FZD1: variants seen among roughly 807,000 people sequenced by gnomAD.
FZD1 encodes the protein frizzled class receptor 1, also known as frizzled-1.
FZD1 carries 22 observed loss-of-function variants against 48.0 expected under a neutral mutation model. That is an observed-to-expected ratio of 0.46 (90% confidence interval 0.33 to 0.65). FZD1 has a LOEUF of 0.65. Ranked by LOEUF, FZD1 falls within the 30% of genes least tolerant of loss-of-function variation. The pLI is 0.02. For synonymous variants in FZD1, 486 were observed against 409.6 expected (o/e 1.19, Z -2.25); for missense variants, 843 against 898.1 (o/e 0.94, Z 0.78).
chr7:91,264,534 G>A lies in FZD1; in HGVS notation c.-347G>A. Reference sequence around the variant, plus strand: ...GAAGGAGGCGGAGGCGCAGGGGGGAGCCGAGCCCGCTGGGCTGCGGAGAGT... The same window carrying A: ...GAAGGAGGCGGAGGCGCAGGGGGGAACCGAGCCCGCTGGGCTGCGGAGAGT... On this transcript the variant is annotated 5_prime_UTR_variant, in exon 1 of 1. Coordinates refer to ENST00000287934, the MANE Select transcript of FZD1 (RefSeq NM_003505.2). 3.0e-6 allele frequency: 1 copy of A among 337,404 alleles called. No individual in the cohort carries two copies. Among genetic ancestry groups the A allele is most frequent in the Non-Finnish European group, 5.4e-6 (1 of 185,956 alleles). 20.9% of individuals were successfully genotyped at this position (337,404 alleles called of 1,614,324 possible).
rs1289605335 is a variant in FZD1, at chr7:91,266,959, A to G, written c.*135A>G. 7 of 639,952 alleles carry G rather than the reference A, an allele frequency of 1.1e-5. No individual in the cohort carries two copies. In the Admixed American group the frequency reaches 1.7e-4, roughly 16 times the overall value. 39.6% of individuals were successfully genotyped at this position (639,952 alleles called of 1,614,324 possible). A position where few individuals can be genotyped will look rare whatever the true frequency, so the allele number is the denominator to read the frequency against. ...CAACTCTCTTTCGCAGGCTCCTTTG[A>G]ACAACTCAGCTCCTGCAAAAGCTTC... On this transcript the variant is annotated 3_prime_UTR_variant, in exon 1 of 1. Coordinates refer to ENST00000287934, the MANE Select transcript of FZD1 (RefSeq NM_003505.2). This position sits in a 1 kb window ranked among gnomAD's most constrained non-coding sequence, Gnocchi z 6.8.
Position 91,265,105 on chromosome 7 carries a change from G to T in FZD1, c.225G>T (p.Ala75=). Residue 75 remains alanine (A), a synonymous_variant, in exon 1 of 1, where the codon GCG becomes GCT. Coordinates refer to ENST00000287934, the MANE Select transcript of FZD1 (RefSeq NM_003505.2). This position sits in a 1 kb window ranked among gnomAD's most constrained non-coding sequence, Gnocchi z 6.9. The stretch of plus-strand genomic sequence containing the variant: ...TGCTGGGGGTCCGGGCCCAGGCGGC[G>T]GGCCAGGGGCCAGGCCAGGGGCCCG... ...PLLLGVRAQA[A]GQGPGQGPGP... is the part of the protein sequence containing the mutation. 7.2e-7 allele frequency: 1 copy of T among 1,395,444 alleles called. No homozygotes were observed. Among genetic ancestry groups the T allele is most frequent in the Non-Finnish European group, 9.3e-7 (1 of 1,076,328 alleles). The allele number at this position is 1,395,444 out of a possible 1,614,324, so 86.4% of individuals were successfully genotyped here. A position where few individuals can be genotyped will look rare whatever the true frequency, so the allele number is the denominator to read the frequency against.
Position 91,268,974 on chromosome 7 carries a change from CAA to C in FZD1, c.*2152_*2153del, listed in dbSNP as rs77574763. ...GAAGTTTGCAAATTATTTCTTTACT[CAA>C]AGAGGATTAAAAGAGAACTCTAATT... On this transcript the variant is annotated 3_prime_UTR_variant, in exon 1 of 1. Transcript: ENST00000287934. 0.15 allele frequency: 24,479 copies of C among 166,408 alleles called. 2,011 individuals carry two copies. Among genetic ancestry groups the C allele is most frequent in the East Asian group, 0.2 (1,062 of 5,184 alleles). The allele number at this position is 166,408 out of a possible 1,614,324, so 10.3% of individuals were successfully genotyped here.
rs749554036 is a variant in FZD1 at position 91,264,973 on chromosome 7, G to C, written c.93G>C (p.Ala31=). The C allele has an allele frequency of 3.6e-5, 49 of 1,375,810 alleles. No homozygotes were observed. In the African/African-American group the frequency reaches 6.8e-4, roughly 19 times the overall value. 85.2% of individuals were successfully genotyped at this position (1,375,810 alleles called of 1,614,324 possible). Residue 31 remains alanine, a synonymous_variant, in exon 1 of 1, where the codon GCG becomes GCC. Coordinates refer to ENST00000287934, the MANE Select transcript of FZD1 (RefSeq NM_003505.2). The part of the protein sequence containing the change: ...LCAGALSARL[A]EEGSGDAGGR... ...CCGGGGCGCTCTCGGCCCGGCTGGC[G>C]GAGGAGGGCAGCGGGGACGCCGGTG...
chr7:91,267,575 A>AT lies in FZD1; in HGVS notation c.*756dup, dbSNP rs1490649058. On this transcript the variant is annotated 3_prime_UTR_variant, in exon 1 of 1. Coordinates refer to ENST00000287934, the MANE Select transcript of FZD1 (RefSeq NM_003505.2). ...CGTCCCTTCGACTTCCTGAAGCTGG[A>AT]TTTTTAACTGTCCAGAACTTTCCTC... 6.0e-6 allele frequency: 1 copy of AT among 166,962 alleles called. No homozygotes were observed. Among genetic ancestry groups the AT allele is most frequent in the Non-Finnish European group, 1.5e-5 (1 of 68,138 alleles). The allele number at this position is 166,962 out of a possible 1,614,324, so 10.3% of individuals were successfully genotyped here.
At position 91,265,927 on chromosome 7, in the gene FZD1, C is replaced by G; in HGVS notation, c.1047C>G (p.Ser349Arg). 6.2e-7 allele frequency: 1 copy of G among 1,614,194 alleles called. No individual in the cohort carries two copies. The highest frequency in any genetic ancestry group is 8.5e-7 in the Non-Finnish European group (1 of 1,180,030). The change falls in exon 1 of 1, where the codon AGC becomes AGG. Residue 349 changes from serine to arginine, a missense_variant. Physicochemically the swap from Ser to Arg is moderately radical, Grantham distance 110. Around this residue, in one of 2 missense-constraint regions of FZD1, gnomAD observed 353 missense variants for 431.6 expected, o/e 0.82. Coordinates refer to ENST00000287934, the MANE Select transcript of FZD1 (RefSeq NM_003505.2). The surrounding 1 kb of genome is among the most constrained non-coding windows in gnomAD (Gnocchi z 6.9). ...LTYLVDMRRFSYPERPIIFLS... is the reference protein window; with the variant it reads ...LTYLVDMRRFRYPERPIIFLS... ...ACCTGGTGGACATGCGGCGCTTCAGCTACCCGGAGCGGCCCATCATCTTCT... is the reference window on the plus strand; with the variant it reads ...ACCTGGTGGACATGCGGCGCTTCAGGTACCCGGAGCGGCCCATCATCTTCT...
rs866946109 is a variant in FZD1, at chr7:91,268,250, A to C, written c.*1426A>C. 1 of 166,994 alleles carries C rather than the reference A, an allele frequency of 6.0e-6. No individual in the cohort carries two copies. The highest frequency in any genetic ancestry group is 2.1e-4 in the South Asian group (1 of 4,832). 10.3% of individuals were successfully genotyped at this position (166,994 alleles called of 1,614,324 possible). A position where few individuals can be genotyped will look rare whatever the true frequency, so the allele number is the denominator to read the frequency against. ...GAGGGGGGAACAATTCACACCACCA[A>C]TAATAACCTGGTAAGATTTCAGGAG... On this transcript the variant is annotated 3_prime_UTR_variant, in exon 1 of 1. Coordinates refer to ENST00000287934, the MANE Select transcript of FZD1 (RefSeq NM_003505.2).
At position 91,266,503 on chromosome 7, in the gene FZD1, C is replaced by T. The variant is rs774481886; in HGVS notation, c.1623C>T (p.Ser541=). 10 of 1,613,914 alleles carry T rather than the reference C, an allele frequency of 6.2e-6. No individual in the cohort carries two copies. The highest frequency in any genetic ancestry group is 6.8e-6 in the Non-Finnish European group (8 of 1,180,032). ...EKLMVRIGVF[S]VLYTVPATIV... is the part of the protein sequence containing the mutation. ...TCATGGTGCGCATTGGCGTCTTCAGCGTGCTGTACACTGTGCCAGCCACCA... is the reference window on the plus strand; with the variant it reads ...TCATGGTGCGCATTGGCGTCTTCAGTGTGCTGTACACTGTGCCAGCCACCA... Residue 541 remains serine, a synonymous_variant, in exon 1 of 1, where the codon AGC becomes AGT. Transcript: ENST00000287934. This position sits in a 1 kb window ranked among gnomAD's most constrained non-coding sequence, Gnocchi z 6.8.
In FZD1 at chr7:91,265,040, C is replaced by A; in HGVS notation, c.160C>A (p.Gln54Lys). 2.1e-6 allele frequency: 3 copies of A among 1,401,886 alleles called. No homozygotes were observed. Among genetic ancestry groups the A allele is most frequent in the Non-Finnish European group, 1.9e-6 (2 of 1,078,382 alleles). The allele number at this position is 1,401,886 out of a possible 1,614,324, so 86.8% of individuals were successfully genotyped here. A position where few individuals can be genotyped will look rare whatever the true frequency, so the allele number is the denominator to read the frequency against. The change falls in exon 1 of 1, where the codon CAG becomes AAG. Residue 54 changes from glutamine to lysine, a missense_variant. This residue lies in a region of FZD1 where 490 missense variants were observed against 466.5 expected (regional missense o/e 1.05). Transcript: ENST00000287934. This position sits in a 1 kb window ranked among gnomAD's most constrained non-coding sequence, Gnocchi z 6.9. ...AGTTGACCCCCGGCGATTGGCGCGC[C>A]AGCTGCTGCTGCTGCTTTGGCTGCT... ...PPVDPRRLAR[Q>K]LLLLLWLLEA...
rs753179852 is a variant in FZD1 at position 91,266,113 on chromosome 7, C to T, written c.1233C>T (p.Phe411=). ...CCATCCTCTTCATGATGCTCTACTT[C>T]TTCAGCATGGCCAGCTCCATCTGGT... ...GCTILFMMLY[F]FSMASSIWWV... The change falls in exon 1 of 1, where the codon TTC becomes TTT. Residue 411 remains phenylalanine, a synonymous_variant. Coordinates refer to ENST00000287934, the MANE Select transcript of FZD1 (RefSeq NM_003505.2). This position sits in a 1 kb window ranked among gnomAD's most constrained non-coding sequence, Gnocchi z 6.8. 3 of 1,614,246 alleles carry T rather than the reference C, an allele frequency of 1.9e-6. No individual in the cohort carries two copies. Among genetic ancestry groups the T allele is most frequent in the Middle Eastern group, 1.7e-4 (1 of 6,056 alleles).
At position 91,268,654 on chromosome 7, in the gene FZD1, G is replaced by GTT. The variant is rs1390604520; in HGVS notation, c.*1832_*1833dup. 4 of 166,096 alleles carry GTT rather than the reference G, an allele frequency of 2.4e-5. No homozygotes were observed. The highest frequency in any genetic ancestry group is 5.9e-5 in the Non-Finnish European group (4 of 68,060). 10.3% of individuals were successfully genotyped at this position (166,096 alleles called of 1,614,324 possible). A position where few individuals can be genotyped will look rare whatever the true frequency, so the allele number is the denominator to read the frequency against. On this transcript the variant is annotated 3_prime_UTR_variant, in exon 1 of 1. Transcript: ENST00000287934. ...CATCTATATTTATAGAGGAATAGAA[G>GTT]TTTATATATATATAATACCATATTT...
At position 91,266,654 on chromosome 7, in the gene FZD1, C is replaced by T; in HGVS notation, c.1774C>T (p.Pro592Ser). ...CCTCCAGGCGGGCGGAGGCGCCCCG[C>T]CGCACCCGCCCATGAGCCCGGACTT... The part of the protein sequence containing the change: ...PHLQAGGGAP[P>S]HPPMSPDFTV... Residue 592 changes from proline (P) to serine (S), a missense_variant, in exon 1 of 1, where the codon CCG becomes TCG. Around this residue, in one of 2 missense-constraint regions of FZD1, gnomAD observed 353 missense variants for 431.6 expected, o/e 0.82. Coordinates refer to ENST00000287934, the MANE Select transcript of FZD1 (RefSeq NM_003505.2). The surrounding 1 kb of genome is among the most constrained non-coding windows in gnomAD (Gnocchi z 6.8). 1.9e-6 allele frequency: 3 copies of T among 1,612,984 alleles called. No individual in the cohort carries two copies. Among genetic ancestry groups the T allele is most frequent in the Non-Finnish European group, 2.5e-6 (3 of 1,179,766 alleles).
chr7:91,264,548 G>A lies in FZD1; in HGVS notation c.-333G>A. On this transcript the variant is annotated 5_prime_UTR_variant, in exon 1 of 1. Coordinates refer to ENST00000287934, the MANE Select transcript of FZD1 (RefSeq NM_003505.2). ...CGCAGGGGGGAGCCGAGCCCGCTGG[G>A]CTGCGGAGAGTTGCGCTCTCTACGG... is the stretch of plus-strand genomic sequence containing the variant. 1 of 351,224 alleles carries A rather than the reference G, an allele frequency of 2.8e-6. No homozygotes were observed. Among genetic ancestry groups the A allele is most frequent in the Non-Finnish European group, 5.1e-6 (1 of 194,878 alleles). The allele number at this position is 351,224 out of a possible 1,614,324, so 21.8% of individuals were successfully genotyped here.
rs1361623397 is a variant in FZD1 at position 91,266,231 on chromosome 7, G to T, written c.1351G>T (p.Ala451Ser). 1 of 1,614,012 alleles carries T rather than the reference G, an allele frequency of 6.2e-7. No homozygotes were observed. Among genetic ancestry groups the T allele is most frequent in the African/African-American group, 1.3e-5 (1 of 74,938 alleles). The part of the protein sequence containing the change: ...EANSQYFHLA[A>S]WAVPAIKTIT... ...CAACTCACAGTATTTTCACCTGGCC[G>T]CCTGGGCTGTGCCGGCCATCAAGAC... The change falls in exon 1 of 1, where the codon GCC (alanine) becomes TCC (serine). Residue 451 changes from alanine to serine, a missense_variant. Coordinates refer to ENST00000287934, the MANE Select transcript of FZD1 (RefSeq NM_003505.2). This position sits in a 1 kb window ranked among gnomAD's most constrained non-coding sequence, Gnocchi z 6.8.
Position 91,266,954 on chromosome 7 carries a change from C to T in FZD1, c.*130C>T, listed in dbSNP as rs993500710. On this transcript the variant is annotated 3_prime_UTR_variant, in exon 1 of 1. Transcript: ENST00000287934. This position sits in a 1 kb window ranked among gnomAD's most constrained non-coding sequence, Gnocchi z 6.8. ...CTAGACAACTCTCTTTCGCAGGCTC[C>T]TTTGAACAACTCAGCTCCTGCAAAA... The T allele has an allele frequency of 2.9e-5, 19 of 649,214 alleles. No homozygotes were observed. The highest frequency in any genetic ancestry group is 2.7e-5 in the East Asian group (1 of 37,124). The allele number at this position is 649,214 out of a possible 1,614,324, so 40.2% of individuals were successfully genotyped here.
rs1803928100 is a variant in FZD1, at chr7:91,268,789, C to T, written c.*1965C>T. The T allele has an allele frequency of 1.2e-5, 2 of 166,840 alleles. No homozygotes were observed. The highest frequency in any genetic ancestry group is 2.1e-4 in the South Asian group (1 of 4,824). The allele number at this position is 166,840 out of a possible 1,614,324, so 10.3% of individuals were successfully genotyped here. ...AACTATTTTACATTTTATGGTGTCT[C>T]ATAGCCAATCCCACAGTGTAAAAAT... On this transcript the variant is annotated 3_prime_UTR_variant, in exon 1 of 1. Coordinates refer to ENST00000287934, the MANE Select transcript of FZD1 (RefSeq NM_003505.2).
chr7:91,266,710 G>A lies in FZD1; in HGVS notation c.1830G>A (p.Thr610=), dbSNP rs755665078. The change falls in exon 1 of 1, where the codon ACG becomes ACA. Residue 610 remains threonine, a synonymous_variant. Transcript: ENST00000287934. This position sits in a 1 kb window ranked among gnomAD's most constrained non-coding sequence, Gnocchi z 6.8. ...FTVFMIKYLM[T]LIVGITSGFW... ...TCTTCATGATTAAGTACCTTATGAC[G>A]CTGATCGTGGGCATCACGTCGGGCT... is the stretch of plus-strand genomic sequence containing the variant. 2 of 1,613,402 alleles carry A rather than the reference G, an allele frequency of 1.2e-6. No individual in the cohort carries two copies. Among genetic ancestry groups the A allele is most frequent in the South Asian group, 2.2e-5 (2 of 91,082 alleles).
At position 91,267,043 on chromosome 7, in the gene FZD1, C is replaced by T. The variant is rs141788656; in HGVS notation, c.*219C>T. The T allele has an allele frequency of 2.7e-3, 1,425 of 525,736 alleles. 9 individuals are homozygous for T. The highest frequency in any genetic ancestry group is 0.011 in the Middle Eastern group (22 of 1,994). 32.6% of individuals were successfully genotyped at this position (525,736 alleles called of 1,614,324 possible). ...TGCCAGAGGGAGGATGGACAGACCT[C>T]TTGCCCTCACACTCTGGTACCAGGA... On this transcript the variant is annotated 3_prime_UTR_variant, in exon 1 of 1. Coordinates refer to ENST00000287934, the MANE Select transcript of FZD1 (RefSeq NM_003505.2).
Position 91,264,833 on chromosome 7 carries a change from C to A in FZD1, c.-48C>A. On this transcript the variant is annotated 5_prime_UTR_variant, in exon 1 of 1. Transcript: ENST00000287934. ...GCAGGGGGAGCCGCCGCCGGCCGTG[C>A]CCCTGGCAGCCCCAGCGGAGCGGCG... The A allele has an allele frequency of 1.6e-6, 2 of 1,247,896 alleles. No homozygotes were observed. The highest frequency in any genetic ancestry group is 2.0e-6 in the Non-Finnish European group (2 of 992,436). 77.3% of individuals were successfully genotyped at this position (1,247,896 alleles called of 1,614,324 possible).
Sources: allele counts gnomAD v4.1 joint callset, GRCh38; gene constraint gnomAD v4.1.1; regional missense constraint gnomAD v4.1.1; non-coding constraint Gnocchi (gnomAD v3.1); transcripts MANE v1.5; gene names NCBI Gene and HGNC (gene_info 2026-07-23, HGNC 2026-07-21).